AOAH: variants seen among roughly 807,000 people sequenced by gnomAD.
AOAH encodes acyloxyacyl hydrolase (neutrophil).
AOAH carries 64 observed loss-of-function variants against 92.2 expected under a neutral mutation model. The observed-to-expected ratio is 0.69, with a 90% CI of 0.57 to 0.86. The LOEUF (loss-of-function observed/expected upper bound fraction) is 0.86, where lower values mean the gene tolerates loss of function less well. AOAH is among the 40% of genes least tolerant of loss of function. The pLI, the probability that AOAH is intolerant of heterozygous loss-of-function variation, is 0.00. For missense variants in AOAH, 656 were observed against 694.6 expected, an observed-to-expected ratio of 0.94 and a Z score of 0.62; for synonymous variants, 263 against 254.5, an observed-to-expected ratio of 1.03 and a Z score of -0.32.
At chr7:36,611,834 A>G (rs146991769) in intron 11 of AOAH, among the ~76,000 whole-genome samples, 1 of 152,312 alleles carries the variant, frequency 6.6e-6, no homozygotes, top group East Asian at 1.9e-4. Flanking sequence ...AGCTCATTGA[A>G]GCACACGGCC....
At chr7:36,621,004 C>G (rs1962612) in intron 8 of AOAH, among the ~76,000 whole-genome samples, 175 bp from the exon 9 acceptor site, 3,585 of 152,282 alleles carry the variant, frequency 0.024, 136 homozygotes, top group East Asian at 0.13. Flanking sequence ...ACATCAGAAG[C>G]CTCCATTCAG....
At chr7:36,559,154 T>C (rs1214040326) in intron 13 of AOAH, among the ~76,000 whole-genome samples, 2 of 152,276 alleles carry the variant, frequency 1.3e-5, no homozygotes, top group African/African-American at 2.4e-5. Context: ...TCCACTGTTA[T>C]GGGCATCTAG....
intron 1 of AOAH, among the ~76,000 whole-genome samples, chr7:36,698,858 T>C (rs1476836869): frequency 6.6e-6 from 1 of 152,134 alleles, no homozygotes; most frequent in African/African-American, 2.4e-5. Flanking sequence ...CAATAGGTTA[T>C]TGTAAACTCT....
intron 4 of AOAH, among the ~76,000 whole-genome samples, chr7:36,646,230 C>G (rs1259216257): frequency 6.6e-6 from 1 of 152,192 alleles, no homozygotes; most frequent in Non-Finnish European, 1.5e-5. Context: ...CTTAACTCTA[C>G]TTTGTAAATG....
chr7:36,620,737 A>C, intron 9 of AOAH, 44 bp downstream of exon 9: 1 of 1,591,788 alleles, frequency 6.3e-7, no homozygotes, highest in Non-Finnish European at 8.6e-7. Context: ...TAGGGGAGGG[A>C]GGAACAAAGG....
chr7:36,704,398 G>T (rs571410118), intron 1 of AOAH, among the ~76,000 whole-genome samples: 1 of 152,178 alleles, frequency 6.6e-6, no homozygotes, highest in African/African-American at 2.4e-5. Context: ...TAGAAGAAAT[G>T]GATAAATTCC....
intron 11 of AOAH, among the ~76,000 whole-genome samples, chr7:36,612,220 G>C (rs1025260957): frequency 2.0e-5 from 3 of 152,152 alleles, no homozygotes; most frequent in Non-Finnish European, 2.9e-5. Context: ...ATAGCCAGTG[G>C]TAGGTAACAT....
intron 1 of AOAH, among the ~76,000 whole-genome samples, chr7:36,723,807 A>T (rs1799802757): frequency 6.6e-6 from 1 of 152,188 alleles, no homozygotes; most frequent in Non-Finnish European, 1.5e-5. Flanking sequence ...TTTTATGCCC[A>T]ATTTAAACTA....
chr7:36,589,132 G>A (rs1562596724), intron 12 of AOAH, among the ~76,000 whole-genome samples: 1 of 152,102 alleles, frequency 6.6e-6, no homozygotes, highest in Non-Finnish European at 1.5e-5. Flanking sequence ...TGACTGGACT[G>A]ACTCCTGGCC....
At chr7:36,608,164 G>T (rs916200639) in intron 11 of AOAH, among the ~76,000 whole-genome samples, 2 of 152,206 alleles carry the variant, frequency 1.3e-5, no homozygotes, top group Admixed American at 6.5e-5. Context: ...CCCCATGGGG[G>T]TGTCCAACAC....
intron 12 of AOAH, among the ~76,000 whole-genome samples, chr7:36,584,512 CTT>C (rs1182433705): frequency 6.6e-6 from 1 of 151,794 alleles, no homozygotes; most frequent in East Asian, 1.9e-4. Context: ...TAGCAAATCT[CTT>C]TATTTCATTT....
intron 4 of AOAH, 138 bp downstream of exon 4, chr7:36,659,027 GC>G: frequency 1.4e-6 from 1 of 707,586 alleles, no homozygotes; most frequent in Admixed American, 2.2e-5. Flanking sequence ...ATTATTTCTT[GC>G]GGGGTAATTG....
intron 13 of AOAH, among the ~76,000 whole-genome samples, chr7:36,566,353 C>A (rs1311257222): frequency 7.2e-6 from 1 of 137,956 alleles, no homozygotes; most frequent in East Asian, 2.2e-4. Context: ...GTCTCTTCAT[C>A]CTTAACTTTT....
intron 3 of AOAH, among the ~76,000 whole-genome samples, chr7:36,667,644 G>C (rs1795628162): frequency 6.6e-6 from 1 of 152,184 alleles, no homozygotes; most frequent in African/African-American, 2.4e-5. Context: ...GTTTCTGATA[G>C]AGGGATGTTG....
chr7:36,646,767 C>T (rs1019429740), intron 4 of AOAH, among the ~76,000 whole-genome samples: 1 of 152,142 alleles, frequency 6.6e-6, no homozygotes, highest in Non-Finnish European at 1.5e-5. Flanking sequence ...CTGAACACTG[C>T]CTCTGTTGTC....
intron 20 of AOAH, among the ~76,000 whole-genome samples, chr7:36,521,236 T>C (rs1784093140): frequency 6.6e-6 from 1 of 152,222 alleles, no homozygotes; most frequent in African/African-American, 2.4e-5. Context: ...AGAAAGGCTC[T>C]AGTGATGTGG....
At chr7:36,688,752 T>C (rs2116796469) in intron 1 of AOAH, among the ~76,000 whole-genome samples, 1 of 151,996 alleles carries the variant, frequency 6.6e-6, no homozygotes, top group East Asian at 1.9e-4. Flanking sequence ...CCTGGCACAG[T>C]GCCTGGGTTG....
intron 15 of AOAH, among the ~76,000 whole-genome samples, chr7:36,540,950 G>A (rs1397839770): frequency 2.0e-5 from 3 of 152,196 alleles, no homozygotes; most frequent in African/African-American, 7.2e-5. Context: ...CTTTGTTCCT[G>A]TAGCATAAAC....
Position 36,722,262 on chromosome 7 carries a change from C to T in AOAH, c.127+1760G>A, listed in dbSNP as rs10239960. ...AATAGAAAAACCAGAGCAACCCCAT[C>T]CTGAAATCTCCCCAACACCTCCTTC... is the stretch of plus-strand genomic sequence containing the variant. On this transcript the variant is annotated intron_variant, in intron 1 of 20. Coordinates refer to ENST00000617537, the MANE Select transcript of AOAH (RefSeq NM_001637.4). Among the ~76,000 whole-genome samples the T allele has an allele frequency of 3.7e-3, 567 of 152,236 alleles. 2 individuals carry two copies. Among genetic ancestry groups the T allele is most frequent in the African/African-American group, 0.013 (548 of 41,538 alleles).
Sources: allele counts gnomAD v4.1 joint callset (sites outside exome capture counted in the v4.1 genomes callset), GRCh38; gene constraint gnomAD v4.1.1; transcripts MANE v1.5; gene names NCBI Gene and HGNC (gene_info 2026-07-23, HGNC 2026-07-21).